DLX4: variants seen among roughly 807,000 people sequenced by gnomAD.
The protein encoded by DLX4 is distal-less homeobox 4.
Under a neutral mutation model 17.1 loss-of-function variants are expected in DLX4, and 13 were observed. The observed-to-expected ratio is 0.76, with a 90% CI of 0.49 to 1.21. The LOEUF is 1.21. Ranked by LOEUF, DLX4 falls within the 50% of genes most tolerant of loss-of-function variation. The pLI is 0.00. For synonymous variants in DLX4, 129 were observed against 140.3 expected (o/e 0.92, Z 0.57); for missense variants, 297 against 301.4 (o/e 0.99, Z 0.11).
Position 49,973,120 on chromosome 17 carries a change from C to G in DLX4, c.331C>G (p.Gln111Glu), listed in dbSNP as rs779305699. The G allele has an allele frequency of 8.7e-6, 14 of 1,614,022 alleles. No homozygotes were observed. In the Admixed American group the frequency reaches 2.3e-4, roughly 27 times the overall value. ...CCCGGAACCCTCCGAGCGGCGCCCT[C>G]AGGCCCCCGCCAAAAAGCTCCGCAA... ...LSPEPSERRP[Q>E]APAKKLRKPR... The change falls in exon 2 of 3, where the codon CAG becomes GAG. Residue 111 changes from glutamine to glutamate, a missense_variant. Physicochemically the swap from Gln to Glu is conservative, Grantham distance 29. Coordinates refer to ENST00000240306, the MANE Select transcript of DLX4 (RefSeq NM_138281.3).
Position 49,972,981 on chromosome 17 carries a change from ATGCAG to A in DLX4, c.284-91_284-87del. On this transcript the variant is annotated intron_variant, in intron 1 of 2. Coordinates refer to ENST00000240306, the MANE Select transcript of DLX4 (RefSeq NM_138281.3). The surrounding 1 kb of genome is among the most constrained non-coding windows in gnomAD (Gnocchi z 5.4). ...CTTTTTGCTATTTGCTGCCGACGGC[ATGCAG>A]ACGAGATGCAAATAAGCTTATGAAA... 1 of 1,544,056 alleles carries A rather than the reference ATGCAG, an allele frequency of 6.5e-7. No homozygotes were observed. Among genetic ancestry groups the A allele is most frequent in the South Asian group, 1.2e-5 (1 of 81,030 alleles).
At position 49,972,683 on chromosome 17, in the gene DLX4, TC is replaced by T; in HGVS notation, c.284-389del. On this transcript the variant is annotated intron_variant, in intron 1 of 2. Coordinates refer to ENST00000240306, the MANE Select transcript of DLX4 (RefSeq NM_138281.3). This position sits in a 1 kb window ranked among gnomAD's most constrained non-coding sequence, Gnocchi z 5.4. ...GTCCTTCCTCTGTCATCTCTAGGCC[TC>T]GGCTCAGCCCTGGACCTAGCCTTTC... is the stretch of plus-strand genomic sequence containing the variant. 8.4e-7 allele frequency: 1 copy of T among 1,196,574 alleles called. No individual in the cohort carries two copies. Among genetic ancestry groups the T allele is most frequent in the Non-Finnish European group, 1.0e-6 (1 of 954,584 alleles). The allele number at this position is 1,196,574 out of a possible 1,614,324, so 74.1% of individuals were successfully genotyped here.
In DLX4 at chr17:49,969,197, C is replaced by G; in HGVS notation, c.-272C>G. The G allele has an allele frequency of 2.8e-6, 1 of 361,954 alleles. No individual in the cohort carries two copies. Among genetic ancestry groups the G allele is most frequent in the Non-Finnish European group, 4.9e-6 (1 of 202,394 alleles). 22.4% of individuals were successfully genotyped at this position (361,954 alleles called of 1,614,324 possible). On this transcript the variant is annotated 5_prime_UTR_variant, in exon 1 of 3. Coordinates refer to ENST00000240306, the MANE Select transcript of DLX4 (RefSeq NM_138281.3). ...TAAGAGGGCGGGGCCCCCGTCGGGT[C>G]CCGGGAACCGAACCCGATGGAGAGG... is the stretch of plus-strand genomic sequence containing the variant.
At position 49,972,565 on chromosome 17, in the gene DLX4, G is replaced by A. The variant is rs1015782675; in HGVS notation, c.284-508G>A. On this transcript the variant is annotated intron_variant, in intron 1 of 2. Coordinates refer to ENST00000240306, the MANE Select transcript of DLX4 (RefSeq NM_138281.3). This position sits in a 1 kb window ranked among gnomAD's most constrained non-coding sequence, Gnocchi z 5.4. Reference sequence around the variant, plus strand: ...CTGGTATTCAAGGTCCTCTCAGCCGGGCCTCTCACCCACCCCGCTGGCCGC... The same window carrying A: ...CTGGTATTCAAGGTCCTCTCAGCCGAGCCTCTCACCCACCCCGCTGGCCGC... 1.7e-5 allele frequency: 4 copies of A among 239,944 alleles called. No individual in the cohort carries two copies. The highest frequency in any genetic ancestry group is 1.4e-5 in the Non-Finnish European group (2 of 143,140). 14.9% of individuals were successfully genotyped at this position (239,944 alleles called of 1,614,324 possible).
In DLX4 at chr17:49,974,370, AT is replaced by A. The variant is rs201251660; in HGVS notation, c.*436del. On this transcript the variant is annotated 3_prime_UTR_variant, in exon 3 of 3. Coordinates refer to ENST00000240306, the MANE Select transcript of DLX4 (RefSeq NM_138281.3). Reference sequence around the variant, plus strand: ...GCAAAATCAGCAAGAAACATTGAGTATTTTTTTTTCTTTGTATGCCTTTGGC... The same window carrying A: ...GCAAAATCAGCAAGAAACATTGAGTATTTTTTTTCTTTGTATGCCTTTGGC... The A allele has an allele frequency of 4.5e-5, 7 of 154,528 alleles. No homozygotes were observed. The highest frequency in any genetic ancestry group is 7.1e-5 in the Non-Finnish European group (5 of 70,218). The allele number at this position is 154,528 out of a possible 1,614,324, so 9.6% of individuals were successfully genotyped here.
rs1167901863 is a variant in DLX4 at position 49,973,820 on chromosome 17, C to T, written c.600C>T (p.Pro200=). ...RTFSVSPCSP[P]LPSLWDLPKA... ...TCTCTGTGTCTCCCTGCTCCCCACC[C>T]CTCCCCTCCCTCTGGGATCTACCCA... is the stretch of plus-strand genomic sequence containing the variant. The change falls in exon 3 of 3, where the codon CCC becomes CCT. Residue 200 remains proline, a synonymous_variant. Coordinates refer to ENST00000240306, the MANE Select transcript of DLX4 (RefSeq NM_138281.3). 6.2e-7 allele frequency: 1 copy of T among 1,609,888 alleles called. No individual in the cohort carries two copies. The highest frequency in any genetic ancestry group is 1.1e-5 in the South Asian group (1 of 90,430).
chr17:49,970,501 C>T (rs922133309), intron 1 of DLX4, among the ~76,000 whole-genome samples: 9 of 152,206 alleles, frequency 5.9e-5, no homozygotes, highest in African/African-American at 1.9e-4. Flanking sequence ...CCACAGTTCC[C>T]GTTGCCTGGA....
rs769369952 is a variant in DLX4, at chr17:49,973,224, C to T, written c.435C>T (p.Pro145=). ...AGCACACGCAGTACCTGGCGCTGCCCGAGAGGGCCCAGCTGGCAGCGCAGC... is the reference window on the plus strand; with the variant it reads ...AGCACACGCAGTACCTGGCGCTGCCTGAGAGGGCCCAGCTGGCAGCGCAGC... ...RFQHTQYLAL[P]ERAQLAAQLG... The change falls in exon 2 of 3, where the codon CCC becomes CCT. Residue 145 remains proline, a synonymous_variant. Coordinates refer to ENST00000240306, the MANE Select transcript of DLX4 (RefSeq NM_138281.3). 1.1e-4 allele frequency: 171 copies of T among 1,614,012 alleles called. No individual in the cohort carries two copies. Among genetic ancestry groups the T allele is most frequent in the Non-Finnish European group, 1.4e-4 (166 of 1,180,044 alleles).
At chr17:49,970,195 G>A (rs978060721) in intron 1 of DLX4, among the ~76,000 whole-genome samples, 122 of 152,292 alleles carry the variant, frequency 8.0e-4, no homozygotes, top group African/African-American at 2.9e-3. Context: ...CAGTGATCAA[G>A]CCAAACACTG....
rs753621561 is a variant in DLX4, at chr17:49,969,691, C to T, written c.223C>T (p.Pro75Ser). Residue 75 changes from proline to serine, a missense_variant, in exon 1 of 3, where the codon CCC becomes TCC. Physicochemically the swap from Pro to Ser is moderately conservative, Grantham distance 74. Coordinates refer to ENST00000240306, the MANE Select transcript of DLX4 (RefSeq NM_138281.3). Reference protein sequence around the residue: ...PGDSYLSCQQPAALSQPLCGP... With the variant: ...PGDSYLSCQQSAALSQPLCGP... ...AGACTCCTACCTGTCCTGCCAGCAACCCGCGGCGCTCTCTCAGCCCCTCTG... is the reference window on the plus strand; with the variant it reads ...AGACTCCTACCTGTCCTGCCAGCAATCCGCGGCGCTCTCTCAGCCCCTCTG... The T allele has an allele frequency of 5.0e-6, 8 of 1,604,558 alleles. No homozygotes were observed. The highest frequency in any genetic ancestry group is 2.2e-5 in the South Asian group (2 of 91,008).
intron 1 of DLX4, among the ~76,000 whole-genome samples, chr17:49,971,700 C>G (rs995076648): frequency 6.6e-6 from 1 of 151,906 alleles, no homozygotes; most frequent in Non-Finnish European, 1.5e-5. Flanking sequence ...TCTGGGCTGC[C>G]AGCCCAGAGC....
intron 1 of DLX4, among the ~76,000 whole-genome samples, 160 bp downstream of exon 1, chr17:49,969,911 G>A (rs911029598): frequency 3.1e-5 from 3 of 96,250 alleles, no homozygotes; most frequent in Non-Finnish European, 6.2e-5. Context: ...TGGGGCGGGA[G>A]ACACGGGGGG....
Position 49,974,330 on chromosome 17 carries a change from C to T in DLX4, c.*387C>T, listed in dbSNP as rs1485450757. The stretch of plus-strand genomic sequence containing the variant: ...GCTTTCTTGAAAAGGACTGAATCGC[C>T]ACTACAGCCTGGGTGCAAAATCAGC... On this transcript the variant is annotated 3_prime_UTR_variant, in exon 3 of 3. Transcript: ENST00000240306. The T allele has an allele frequency of 1.2e-5, 2 of 169,058 alleles. No homozygotes were observed. The highest frequency in any genetic ancestry group is 2.5e-5 in the Non-Finnish European group (2 of 79,584). The allele number at this position is 169,058 out of a possible 1,614,324, so 10.5% of individuals were successfully genotyped here.
At position 49,969,585 on chromosome 17, in the gene DLX4, C is replaced by T. The variant is rs771032281; in HGVS notation, c.117C>T (p.Thr39=). 4 of 1,613,728 alleles carry T rather than the reference C, an allele frequency of 2.5e-6. No homozygotes were observed. The highest frequency in any genetic ancestry group is 1.1e-5 in the South Asian group (1 of 91,062). ...AAYPLGLSPT[T]AASPNLSYSR... ...ACCCGCTTGGCTTGTCCCCTACAAC[C>T]GCAGCCTCCCCCAATTTGTCCTACT... is the stretch of plus-strand genomic sequence containing the variant. The change falls in exon 1 of 3, where the codon ACC becomes ACT. Residue 39 remains threonine, a synonymous_variant. Transcript: ENST00000240306.
Position 49,972,995 on chromosome 17 carries a change from C to A in DLX4, c.284-78C>A. Reference sequence around the variant, plus strand: ...CTGCCGACGGCATGCAGACGAGATGCAAATAAGCTTATGAAACTGTCCGTC... The same window carrying A: ...CTGCCGACGGCATGCAGACGAGATGAAAATAAGCTTATGAAACTGTCCGTC... On this transcript the variant is annotated intron_variant, in intron 1 of 2. Coordinates refer to ENST00000240306, the MANE Select transcript of DLX4 (RefSeq NM_138281.3). The surrounding 1 kb of genome is among the most constrained non-coding windows in gnomAD (Gnocchi z 5.4). The A allele has an allele frequency of 6.4e-7, 1 of 1,551,642 alleles. No homozygotes were observed. Among genetic ancestry groups the A allele is most frequent in the Non-Finnish European group, 8.7e-7 (1 of 1,144,486 alleles).
In DLX4 at chr17:49,972,743, C is replaced by G; in HGVS notation, c.284-330C>G. ...CCTACCCCAAGCTGGCGCCACCGCC[C>G]GTGGCTGAACTCCGACCTCCCACCG... On this transcript the variant is annotated intron_variant, in intron 1 of 2. Coordinates refer to ENST00000240306, the MANE Select transcript of DLX4 (RefSeq NM_138281.3). This position sits in a 1 kb window ranked among gnomAD's most constrained non-coding sequence, Gnocchi z 5.4. The G allele has an allele frequency of 8.7e-6, 12 of 1,382,548 alleles. No homozygotes were observed. The South Asian group carries it at 2.0e-4, about 23-fold the overall frequency. 85.6% of individuals were successfully genotyped at this position (1,382,548 alleles called of 1,614,324 possible).
At chr17:49,970,346 GT>G (rs1905463878) in intron 1 of DLX4, among the ~76,000 whole-genome samples, 1 of 152,210 alleles carries the variant, frequency 6.6e-6, no homozygotes, top group African/African-American at 2.4e-5. Context: ...GAATCTGGGA[GT>G]AGGACCCTTC....
At position 49,973,871 on chromosome 17, in the gene DLX4, C is replaced by G; in HGVS notation, c.651C>G (p.Gly217=). The G allele has an allele frequency of 6.2e-7, 1 of 1,613,160 alleles. No homozygotes were observed. Among genetic ancestry groups the G allele is most frequent in the Non-Finnish European group, 8.5e-7 (1 of 1,179,650 alleles). Reference sequence around the variant, plus strand: ...AGGCAGGGACCCTGCCCACCAGTGGCTATGGCAACAGCTTTGGAGCCTGGT... The same window carrying G: ...AGGCAGGGACCCTGCCCACCAGTGGGTATGGCAACAGCTTTGGAGCCTGGT... ...LPKAGTLPTS[G]YGNSFGAWYQ... Residue 217 remains glycine, a synonymous_variant, in exon 3 of 3, where the codon GGC becomes GGG. Coordinates refer to ENST00000240306, the MANE Select transcript of DLX4 (RefSeq NM_138281.3).
At position 49,969,371 on chromosome 17, in the gene DLX4, G is replaced by T. The variant is rs1045398493; in HGVS notation, c.-98G>T. ...AAGTGTGGGGGCTGCTGGCTGGGGG[G>T]CCCGTCCGGCCCAACGCCGGAGGCT... On this transcript the variant is annotated 5_prime_UTR_variant, in exon 1 of 3. Coordinates refer to ENST00000240306, the MANE Select transcript of DLX4 (RefSeq NM_138281.3). 5 of 1,359,014 alleles carry T rather than the reference G, an allele frequency of 3.7e-6. No individual in the cohort carries two copies. In the African/African-American group the frequency reaches 6.0e-5, roughly 16 times the overall value. 84.2% of individuals were successfully genotyped at this position (1,359,014 alleles called of 1,614,324 possible). A position where few individuals can be genotyped will look rare whatever the true frequency, so the allele number is the denominator to read the frequency against.
Sources: gnomAD v4.1 joint callset for allele counts (sites outside exome capture counted in the v4.1 genomes callset) on GRCh38, gnomAD v4.1.1 for gene constraint, Gnocchi (gnomAD v3.1) non-coding constraint, MANE v1.5 for transcripts, NCBI Gene and HGNC (gene_info 2026-07-23, HGNC 2026-07-21) for gene names.